CDK14: variants seen among roughly 807,000 people sequenced by gnomAD.
CDK14 encodes the protein cyclin dependent kinase 14.
CDK14 carries 34 observed loss-of-function variants against 60.7 expected under a neutral mutation model. The ratio of observed to expected loss-of-function variants is 0.56; its 90% CI spans 0.43 to 0.75. The LOEUF is 0.75. Ranked by LOEUF, CDK14 falls within the 30% of genes least tolerant of loss-of-function variation. The probability of loss-of-function intolerance (pLI) is 0.00; values close to 1 mark genes in which losing one functional copy is unlikely to be tolerated. For missense variants in CDK14, 482 were observed against 564.1 expected (o/e 0.85, Z 1.47); for synonymous variants, 197 against 203.7 (o/e 0.97, Z 0.28).
chr7:90,767,771 A>G (rs986114732), intron 4 of CDK14, among the ~76,000 whole-genome samples: 2 of 152,214 alleles, frequency 1.3e-5, no homozygotes, highest in Non-Finnish European at 2.9e-5. Flanking sequence ...TAAGAACTAT[A>G]CCTGAAAAAA....
intron 3 of CDK14, among the ~76,000 whole-genome samples, chr7:90,737,320 A>G (rs535934950): frequency 2.0e-5 from 3 of 152,346 alleles, no homozygotes; most frequent in Admixed American, 6.5e-5. Flanking sequence ...TCCTCTCTAC[A>G]TTCCACAAAT....
intron 5 of CDK14, among the ~76,000 whole-genome samples, chr7:90,792,273 A>G (rs947841661): frequency 2.0e-5 from 3 of 151,470 alleles, no homozygotes; most frequent in South Asian, 4.2e-4. Context: ...AAGAGAAGCT[A>G]TAAGTTGATA....
intron 2 of CDK14, among the ~76,000 whole-genome samples, chr7:90,642,926 C>G (rs541917747): frequency 1.3e-5 from 2 of 152,318 alleles, no homozygotes; most frequent in East Asian, 3.9e-4. Context: ...AATACCCACT[C>G]TGTGTCAAAA....
chr7:90,737,954 C>T (rs1227634564), intron 3 of CDK14, among the ~76,000 whole-genome samples: 1 of 152,156 alleles, frequency 6.6e-6, no homozygotes, highest in African/African-American at 2.4e-5. Flanking sequence ...GACATTCTTA[C>T]TGGATATCAG....
chr7:90,756,591 A>G (rs1383971358), intron 4 of CDK14, among the ~76,000 whole-genome samples: 1 of 152,212 alleles, frequency 6.6e-6, no homozygotes, highest in African/African-American at 2.4e-5. Flanking sequence ...TTAAGAGATG[A>G]CAGGCTCCCT....
intron 1 of CDK14, chr7:90,597,054 G>A (rs1799207660): frequency 3.5e-6 from 1 of 286,404 alleles, no homozygotes; most frequent in Non-Finnish European, 6.6e-6. Flanking sequence ...CTGCGCGGCT[G>A]CTTGGGCCAC....
At chr7:91,133,727 A>C (rs1172889075) in intron 14 of CDK14, among the ~76,000 whole-genome samples, 3 of 152,142 alleles carry the variant, frequency 2.0e-5, no homozygotes, top group African/African-American at 7.2e-5. Context: ...AAAGTTAGTT[A>C]ATTTACATTT....
chr7:90,820,684 G>A (rs1019157704), intron 5 of CDK14, among the ~76,000 whole-genome samples: 10 of 152,068 alleles, frequency 6.6e-5, no homozygotes, highest in Non-Finnish European at 8.8e-5. Flanking sequence ...TAATACATGC[G>A]TCTAACCTTA....
intron 5 of CDK14, among the ~76,000 whole-genome samples, chr7:90,832,164 A>G (rs1268244235): frequency 6.6e-6 from 1 of 152,150 alleles, no homozygotes; most frequent in Non-Finnish European, 1.5e-5. Context: ...TATTTATAAT[A>G]CTTAAAAAAG....
chr7:90,890,387 T>A (rs1041942905), intron 6 of CDK14, among the ~76,000 whole-genome samples: 4 of 151,942 alleles, frequency 2.6e-5, no homozygotes, highest in Non-Finnish European at 4.4e-5. Flanking sequence ...GATAGGTAGG[T>A]AGATAGGTAG....
intron 11 of CDK14, among the ~76,000 whole-genome samples, chr7:91,064,028 G>C (rs978249473): frequency 1.3e-5 from 2 of 152,140 alleles, no homozygotes; most frequent in Non-Finnish European, 2.9e-5. Flanking sequence ...GGCATGGAAT[G>C]ATTAAGTAAT....
chr7:90,776,857 T>G (rs879655873), intron 4 of CDK14, among the ~76,000 whole-genome samples: 3 of 152,138 alleles, frequency 2.0e-5, no homozygotes, highest in Non-Finnish European at 4.4e-5. Context: ...TCTTGAGATG[T>G]CCAAACCTTT....
intron 4 of CDK14, among the ~76,000 whole-genome samples, chr7:90,763,338 A>G (rs1486465980): frequency 6.6e-6 from 1 of 152,094 alleles, no homozygotes; most frequent in Non-Finnish European, 1.5e-5. Flanking sequence ...CAAGGCCTGG[A>G]CCCAGAACTG....
Position 90,692,744 on chromosome 7 carries a change from A to T in CDK14, c.124-33823A>T, listed in dbSNP as rs564369370. ...TTTCCAAAGGATACTTTTAAAGTAA[A>T]TGACACATATTGTTATATTTGCTAA... On this transcript the variant is annotated intron_variant, in intron 2 of 14. Transcript: ENST00000380050. The T allele has an allele frequency of 6.9e-5, 52 of 750,446 alleles. No homozygotes were observed. In the African/African-American group the frequency reaches 9.7e-4, roughly 14 times the overall value. The allele number at this position is 750,446 out of a possible 1,614,324, so 46.5% of individuals were successfully genotyped here.
At chr7:90,829,413 C>G (rs1270253432) in intron 5 of CDK14, among the ~76,000 whole-genome samples, 1 of 152,208 alleles carries the variant, frequency 6.6e-6, no homozygotes, top group Non-Finnish European at 1.5e-5. Context: ...AACTTAGTTA[C>G]TTCCAAGATA....
At chr7:90,963,797 C>A (rs146521576) in intron 9 of CDK14, among the ~76,000 whole-genome samples, 1 of 145,032 alleles carries the variant, frequency 6.9e-6, no homozygotes, top group African/African-American at 2.6e-5. Context: ...CTCACTGCAA[C>A]CTTCGTCTCC....
At position 91,039,415 on chromosome 7, in the gene CDK14, T is replaced by C. The variant is rs113966585; in HGVS notation, c.1042-6482T>C. Among the ~76,000 whole-genome samples, 1,152 of 152,298 alleles carry C rather than the reference T, an allele frequency of 7.6e-3. 18 individuals carry two copies. Among genetic ancestry groups the C allele is most frequent in the African/African-American group, 0.026 (1,091 of 41,538 alleles). ...TGGATGGGAAAACATAATTAACAGT[T>C]GAACAACATGTATATAGTATAAAAT... is the stretch of plus-strand genomic sequence containing the variant. On this transcript the variant is annotated intron_variant, in intron 10 of 14. Coordinates refer to ENST00000380050, the MANE Select transcript of CDK14 (RefSeq NM_001287135.2).
At chr7:91,060,070 T>C (rs1182855909) in intron 11 of CDK14, among the ~76,000 whole-genome samples, 8 of 152,180 alleles carry the variant, frequency 5.3e-5, no homozygotes, top group Non-Finnish European at 1.2e-4. Flanking sequence ...AGGACTTGCT[T>C]TATGAATCTG....
rs1340752927 is a variant in CDK14 at position 91,069,702 on chromosome 7, TAGAA to T, written c.1106-9726_1106-9723del. Among the ~76,000 whole-genome samples the T allele has an allele frequency of 5.3e-5, 8 of 152,338 alleles. No individual in the cohort carries two copies. In the South Asian group the frequency reaches 8.3e-4, roughly 16 times the overall value. ...GATGTATATGTGAATGCTGTCTAAATAGAAAGACACAAACGTTTTACATCATCCT... is the reference window on the plus strand; with the variant it reads ...GATGTATATGTGAATGCTGTCTAAATAGACACAAACGTTTTACATCATCCT... On this transcript the variant is annotated intron_variant, in intron 11 of 14. Transcript: ENST00000380050.
Sources: allele counts gnomAD v4.1 joint callset (sites outside exome capture counted in the v4.1 genomes callset), GRCh38; gene constraint gnomAD v4.1.1; transcripts MANE v1.5; gene names NCBI Gene and HGNC (gene_info 2026-07-23, HGNC 2026-07-21).